The following EMSY variants were observed in gnomAD, a reference collection of about 807,000 sequenced individuals.
The protein encoded by EMSY is EMSY transcriptional repressor, BRCA2 interacting.
EMSY carries 26 observed loss-of-function variants against 134.6 expected under a neutral mutation model. The ratio of observed to expected loss-of-function variants is 0.19; its 90% CI spans 0.14 to 0.27. EMSY has a LOEUF of 0.27. Among genes scored for constraint, EMSY ranks in the 10% least tolerant of loss-of-function variants. The pLI is 1.00. For missense variants in EMSY, 1,305 were observed against 1,611.4 expected (o/e 0.81, Z 3.26); for synonymous variants, 579 against 577.8 (o/e 1.00, Z -0.03).
chr11:76,513,520 G>A (rs2136120902), exon 10 of EMSY: 2 of 1,613,054 alleles, frequency 1.2e-6, no homozygotes, highest in South Asian at 1.1e-5. Context: ...AACTAAACTG[G>A]TAACCACTCC....
At position 76,531,630 on chromosome 11, in the gene EMSY, T is replaced by G. The variant is rs1181239883; in HGVS notation, c.2194+3164T>G. Among the ~76,000 whole-genome samples, 5 of 152,162 alleles carry G rather than the reference T, an allele frequency of 3.3e-5. No homozygotes were observed. The East Asian group carries it at 9.6e-4, about 29-fold the overall frequency. On this transcript the variant is annotated intron_variant, in intron 14 of 20. Transcript: ENST00000334736. ...GATGATGTCTTCTAGTTTTCTCCAC[T>G]ATGAAGTTAACATGTTTCCCTTTCA... is the stretch of plus-strand genomic sequence containing the variant.
chr11:76,446,841 G>A, intron 1 of EMSY, 59 bp from the exon 2 acceptor site: 2 of 1,064,526 alleles, frequency 1.9e-6, no homozygotes, highest in East Asian at 4.9e-5. Context: ...CCAGGTGAGT[G>A]GCCCCTTGAA....
At chr11:76,482,608 A>G (rs1211638142) in intron 8 of EMSY, among the ~76,000 whole-genome samples, 1 of 152,232 alleles carries the variant, frequency 6.6e-6, no homozygotes, top group Non-Finnish European at 1.5e-5. Flanking sequence ...AAGCATACAC[A>G]AGTATCAATA....
At chr11:76,512,543 A>C (rs1232153136) in intron 9 of EMSY, among the ~76,000 whole-genome samples, 2 of 152,050 alleles carry the variant, frequency 1.3e-5, no homozygotes, top group Non-Finnish European at 2.9e-5. Context: ...TTTTATTTTC[A>C]CATTGAAAAT....
At position 76,526,495 on chromosome 11, in the gene EMSY, G is replaced by A. The variant is rs200530710; in HGVS notation, c.1855G>A (p.Ala619Thr). 3.1e-6 allele frequency: 5 copies of A among 1,612,960 alleles called. No homozygotes were observed. The Admixed American group carries it at 6.7e-5, about 22-fold the overall frequency. The stretch of plus-strand genomic sequence containing the variant: ...GACTATTCAGACAGTGCCAACAGGA[G>A]CAAAGCCAGCTATCCTTACTGCTAC... The change falls in exon 13 of 21, where the codon GCA becomes ACA. Residue 619 changes from alanine to threonine, a missense_variant. Transcript: ENST00000334736.
chr11:76,502,510 C>G (rs10899227), intron 9 of EMSY, among the ~76,000 whole-genome samples: 84,698 of 144,612 alleles, frequency 0.59, 25,490 homozygotes, highest in East Asian at 0.82. Flanking sequence ...ATTTGCAGAT[C>G]ACATGATCCT....
At chr11:76,453,495 T>C in intron 4 of EMSY, 107 bp downstream of exon 4, 2 of 972,228 alleles carry the variant, frequency 2.1e-6, no homozygotes, top group South Asian at 3.2e-5. Flanking sequence ...TAAGTAACAA[T>C]ATCTCTATAC....
At chr11:76,532,011 T>A (rs1296721436) in intron 14 of EMSY, among the ~76,000 whole-genome samples, 4 of 152,182 alleles carry the variant, frequency 2.6e-5, no homozygotes, top group Non-Finnish European at 5.9e-5. Flanking sequence ...TTTTGAGACT[T>A]TCCTTGATCA....
chr11:76,467,311 C>A (rs1399771172), intron 7 of EMSY, among the ~76,000 whole-genome samples: 1 of 152,150 alleles, frequency 6.6e-6, no homozygotes, highest in Non-Finnish European at 1.5e-5. Context: ...CTCAGTAATT[C>A]TTCTCTCTTC....
At chr11:76,496,546 C>G (rs142128882) in intron 9 of EMSY, 77 bp downstream of exon 10, 1 of 1,475,310 alleles carries the variant, frequency 6.8e-7, no homozygotes, top group Admixed American at 1.7e-5. Context: ...TCCATGAACA[C>G]GGTATGTCTC....
chr11:76,478,488 G>A (rs960889660), intron 8 of EMSY, among the ~76,000 whole-genome samples: 22 of 151,620 alleles, frequency 1.5e-4, no homozygotes, highest in East Asian at 1.9e-4. Context: ...GGATACAGGC[G>A]CGTGCCACCA....
chr11:76,536,947 G>A (rs1451552612), intron 15 of EMSY, among the ~76,000 whole-genome samples: 1 of 152,014 alleles, frequency 6.6e-6, no homozygotes, highest in Non-Finnish European at 1.5e-5. Context: ...GTACTCAGTG[G>A]GTATGAACAT....
At chr11:76,458,295 G>A (rs1319658242) in exon 5 of EMSY, 46 of 1,613,784 alleles carry the variant, frequency 2.9e-5, no homozygotes, top group Non-Finnish European at 3.7e-5. Flanking sequence ...TAATGCTGTT[G>A]CTAATGCAGC....
At chr11:76,486,105 C>A (rs1395212217) in intron 8 of EMSY, among the ~76,000 whole-genome samples, 1 of 152,150 alleles carries the variant, frequency 6.6e-6, no homozygotes, top group Non-Finnish European at 1.5e-5. Context: ...TTTGCGGGGA[C>A]ATGCATGAAG....
intron 8 of EMSY, among the ~76,000 whole-genome samples, chr11:76,483,137 A>G (rs924628461): frequency 1.3e-5 from 2 of 152,230 alleles, no homozygotes; most frequent in Non-Finnish European, 2.9e-5. Flanking sequence ...CCAGAATTTC[A>G]TATCCAGCTA....
rs140469126 is a variant in EMSY at position 76,492,248 on chromosome 11, T to C, written c.1109-3967T>C. On this transcript the variant is annotated intron_variant, in intron 8 of 20. Coordinates refer to ENST00000334736, the Ensembl canonical transcript of EMSY. ...CAGCACTTTGGGAGGCCAAGACCAG[T>C]GGATCACTTGAGGTCAGGAGTTTGA... 1.2e-3 allele frequency among the ~76,000 whole-genome samples: 180 copies of C among 152,244 alleles called. 1 individual carries two copies. Among genetic ancestry groups the C allele is most frequent in the Admixed American group, 9.5e-3 (145 of 15,290 alleles).
At chr11:76,542,836 C>G (rs1951498073) in intron 18 of EMSY, among the ~76,000 whole-genome samples, 2 of 141,546 alleles carry the variant, frequency 1.4e-5, no homozygotes, top group Non-Finnish European at 3.0e-5. Context: ...ATTTTTTTAA[C>G]TATACATGGT....
At chr11:76,550,084 G>T in exon 21 of EMSY, 2 of 1,613,854 alleles carry the variant, frequency 1.2e-6, no homozygotes, top group Non-Finnish European at 1.7e-6. Context: ...GCAGGACATA[G>T]ACAGTAGCAC....
At chr11:76,546,997 T>C (rs892892359) in intron 20 of EMSY, 1 of 440,748 alleles carries the variant, frequency 2.3e-6, no homozygotes, top group African/African-American at 2.0e-5. Flanking sequence ...TTCCCTTGAT[T>C]CTAAAAATCA....
Sources: gnomAD v4.1 joint callset for allele counts (sites outside exome capture counted in the v4.1 genomes callset) on GRCh38, gnomAD v4.1.1 for gene constraint, MANE v1.5 for transcripts, NCBI Gene and HGNC (gene_info 2026-07-23, HGNC 2026-07-21) for gene names.